Variants in TP63 observed in about 807,000 individuals in gnomAD.
TP63 encodes the protein tumor protein 63.
In TP63, 17 loss-of-function variants were observed where a neutral mutation model predicts 82.8. The ratio of observed to expected loss-of-function variants is 0.21; its 90% CI spans 0.14 to 0.31. The LOEUF is 0.31. TP63 is among the 10% of genes least tolerant of loss of function. TP63 has a pLI of 1.00. For missense variants in TP63, 648 were observed against 895.3 expected, an observed-to-expected ratio of 0.72 and a Z score of 3.52; for synonymous variants, 330 against 321.7, an observed-to-expected ratio of 1.03 and a Z score of -0.28.
chr3:189,646,776 T>A lies in TP63; in HGVS notation c.62+15199T>A, dbSNP rs184866609. Among the ~76,000 whole-genome samples, 52 of 147,282 alleles carry A rather than the reference T, an allele frequency of 3.5e-4. 17 individuals are homozygous for A. The East Asian group carries it at 0.011, about 32-fold the overall frequency. ...CGAAAATAAAAGTGAGAAAAGCAAA[T>A]AAATCTGGTTTGAGGCTACACGTAG... is the stretch of plus-strand genomic sequence containing the variant. On this transcript the variant is annotated intron_variant, in intron 1 of 13. Coordinates refer to ENST00000264731, the MANE Select transcript of TP63 (RefSeq NM_003722.5).
At chr3:189,715,673 G>A (rs1718908438) in intron 1 of TP63, among the ~76,000 whole-genome samples, 1 of 152,162 alleles carries the variant, frequency 6.6e-6, no homozygotes, top group South Asian at 2.1e-4. Flanking sequence ...AAAAATTGGA[G>A]CAGCTAGCCA....
intron 1 of TP63, among the ~76,000 whole-genome samples, chr3:189,709,470 T>C (rs1280270573): frequency 1.3e-5 from 2 of 152,174 alleles, no homozygotes; most frequent in Admixed American, 6.6e-5. Flanking sequence ...AACCGAAGCA[T>C]ACTATTACAA....
At chr3:189,679,967 T>G (rs577111332) in intron 1 of TP63, among the ~76,000 whole-genome samples, 1 of 152,266 alleles carries the variant, frequency 6.6e-6, no homozygotes, top group Admixed American at 6.5e-5. Flanking sequence ...TCTGTTCCAT[T>G]TGGTATACAT....
Position 189,718,765 on chromosome 3 carries a change from G to C in TP63, c.63-18975G>C, listed in dbSNP as rs550896037. On this transcript the variant is annotated intron_variant, in intron 1 of 13. Coordinates refer to ENST00000264731, the MANE Select transcript of TP63 (RefSeq NM_003722.5). ...AATATAAGTGATTCAGTTTTCCTTG[G>C]GGGTAGAGAACCTATACATGTAAGA... 2.6e-5 allele frequency among the ~76,000 whole-genome samples: 4 copies of C among 151,860 alleles called. No individual in the cohort carries two copies. The South Asian group carries it at 8.4e-4, about 32-fold the overall frequency.
At chr3:189,854,898 G>A (rs745650920) in intron 4 of TP63, among the ~76,000 whole-genome samples, 3 of 152,168 alleles carry the variant, frequency 2.0e-5, no homozygotes, top group Admixed American at 2.0e-4. Flanking sequence ...GGAAGACATG[G>A]CAAACCTAAA....
chr3:189,717,593 T>C (rs1375249430), intron 1 of TP63, among the ~76,000 whole-genome samples: 1 of 152,166 alleles, frequency 6.6e-6, no homozygotes, highest in Non-Finnish European at 1.5e-5. Flanking sequence ...AGGTCACAGA[T>C]AAAATCTGAA....
intron 6 of TP63, among the ~76,000 whole-genome samples, chr3:189,867,294 T>C (rs1399545149): frequency 6.6e-6 from 1 of 152,218 alleles, no homozygotes; most frequent in East Asian, 1.9e-4. Flanking sequence ...GCTGGCTTGC[T>C]GTGTGGACCT....
intron 4 of TP63, among the ~76,000 whole-genome samples, chr3:189,853,810 A>G (rs1715949315): frequency 6.6e-6 from 1 of 152,210 alleles, no homozygotes; most frequent in African/African-American, 2.4e-5. Flanking sequence ...GTAATAGTAT[A>G]TGCTCAATAA....
At position 189,866,743 on chromosome 3, in the gene TP63, A is replaced by G. The variant is rs1335323589; in HGVS notation, c.828A>G (p.Val276=). The G allele has an allele frequency of 6.2e-7, 1 of 1,614,108 alleles. No individual in the cohort carries two copies. The highest frequency in any genetic ancestry group is 1.1e-5 in the South Asian group (1 of 91,074). Residue 276 remains valine, a synonymous_variant, in exon 6 of 14, where the codon GTA becomes GTG. Coordinates refer to ENST00000264731, the MANE Select transcript of TP63 (RefSeq NM_003722.5). ...AGGGGAACAGCCATGCCCAGTATGT[A>G]GAAGATCCCATCACAGGAAGACAGA... ...RVEGNSHAQY[V]EDPITGRQSV...
upstream of TP63, among the ~76,000 whole-genome samples, chr3:189,629,180 C>A (rs997187565): frequency 6.6e-6 from 1 of 151,810 alleles, no homozygotes; most frequent in Admixed American, 6.6e-5. Flanking sequence ...CAGTTTGAGA[C>A]CAGTCAGGGC....
chr3:189,743,284 A>T (rs911528515), intron 3 of TP63, among the ~76,000 whole-genome samples: 5 of 152,200 alleles, frequency 3.3e-5, no homozygotes, highest in African/African-American at 1.2e-4. Flanking sequence ...CTTTCTGATC[A>T]GCAAAAAATT....
chr3:189,857,250 A>G (rs1716408193), intron 4 of TP63, among the ~76,000 whole-genome samples: 1 of 152,166 alleles, frequency 6.6e-6, no homozygotes, highest in Non-Finnish European at 1.5e-5. Flanking sequence ...TTCAATAAAG[A>G]GTCCAAGGCA....
chr3:189,663,322 T>G (rs1395305544), intron 1 of TP63, among the ~76,000 whole-genome samples: 1 of 152,046 alleles, frequency 6.6e-6, no homozygotes, highest in African/African-American at 2.4e-5. Context: ...TTTAAGTTCT[T>G]TTTCATCAAT....
At chr3:189,798,379 T>C (rs992680399) in intron 3 of TP63, among the ~76,000 whole-genome samples, 1 of 152,102 alleles carries the variant, frequency 6.6e-6, no homozygotes, top group Non-Finnish European at 1.5e-5. Context: ...TCCATTATCT[T>C]TTAAATAGCA....
intron 11 of TP63, among the ~76,000 whole-genome samples, chr3:189,888,105 A>G (rs933455811): frequency 1.3e-5 from 2 of 151,634 alleles, no homozygotes; most frequent in African/African-American, 2.4e-5. Context: ...TGATCCACCC[A>G]CCTCAGCCTC....
intron 3 of TP63, among the ~76,000 whole-genome samples, chr3:189,739,466 A>G (rs1720823020): frequency 6.6e-6 from 1 of 152,180 alleles, no homozygotes; most frequent in African/African-American, 2.4e-5. Context: ...TCCTACTATG[A>G]CAAACAACTT....
intron 1 of TP63, among the ~76,000 whole-genome samples, chr3:189,710,978 A>G (rs565323080): frequency 1.3e-5 from 2 of 152,322 alleles, no homozygotes; most frequent in African/African-American, 4.8e-5. Context: ...TCCAAAAACT[A>G]TAAATAAGTT....
the TP63 span, among the ~76,000 whole-genome samples, chr3:189,614,513 C>A: frequency 1.3e-5 from 2 of 152,206 alleles, no homozygotes; most frequent in Non-Finnish European, 2.9e-5. Flanking sequence ...CCCCAGGCAA[C>A]TTTGCTAGCT....
intron 1 of TP63, among the ~76,000 whole-genome samples, chr3:189,720,736 G>GAAAAAAAAA (rs548352369): frequency 3.3e-5 from 4 of 120,934 alleles, no homozygotes; most frequent in East Asian, 2.4e-4. Flanking sequence ...CTCCGTCTCA[G>GAAAAAAAAA]AAAAAAAAAA....
Sources: gnomAD v4.1 joint callset for allele counts (sites outside exome capture counted in the v4.1 genomes callset) on GRCh38, gnomAD v4.1.1 for gene constraint, MANE v1.5 for transcripts, NCBI Gene and HGNC (gene_info 2026-07-23, HGNC 2026-07-21) for gene names.